Variants in TMEM129 observed in about 807,000 individuals in gnomAD.
The protein encoded by TMEM129 is transmembrane protein 129, E3 ubiquitin ligase, also known as E3 ubiquitin-protein ligase TM129.
In TMEM129, 35 loss-of-function variants were observed where a neutral mutation model predicts 34.1. The ratio of observed to expected loss-of-function variants is 1.03; its 90% CI spans 0.78 to 1.36. The LOEUF (loss-of-function observed/expected upper bound fraction) is 1.36, where lower values mean the gene tolerates loss of function less well. Among genes scored for constraint, TMEM129 ranks in the 40% most tolerant of loss-of-function variants. TMEM129 has a pLI of 0.00. For synonymous variants in TMEM129, 239 were observed against 217.3 expected (o/e 1.10, Z -0.88); for missense variants, 504 against 512.6 (o/e 0.98, Z 0.16).
chr4:1,717,219 G>C lies in TMEM129; in HGVS notation c.1050C>G (p.Arg350=). ...LASRVPCPTC[R]ARFCILDVCT... is the part of the protein sequence containing the mutation. ...ACACATCCAGGATGCAGAAGCGTGC[G>C]CGGCAGGTGGGGCAGGGCACGCGGC... Residue 350 remains arginine, a synonymous_variant, in exon 4 of 4, where the codon CGC becomes CGG. Transcript: ENST00000382936. The C allele has an allele frequency of 6.7e-7, 1 of 1,494,790 alleles. No homozygotes were observed. 92.6% of individuals were successfully genotyped at this position (1,494,790 alleles called of 1,614,324 possible).
intron 1 of TMEM129, chr4:1,719,161 T>A: frequency 1.3e-6 from 1 of 756,242 alleles, no homozygotes; most frequent in Non-Finnish European, 2.0e-6. Context: ...ATGGAGATGG[T>A]GAGGAGTTGC....
chr4:1,717,170 C>T lies in TMEM129; in HGVS notation c.*10G>A. The T allele has an allele frequency of 7.0e-7, 1 of 1,437,736 alleles. No homozygotes were observed. The allele number at this position is 1,437,736 out of a possible 1,614,324, so 89.1% of individuals were successfully genotyped here. A position where few individuals can be genotyped will look rare whatever the true frequency, so the allele number is the denominator to read the frequency against. ...GGGAGACACAGAGTCACCTCAAGGC[C>T]CCAGCCCACTCAGCGCACGGTGCAC... On this transcript the variant is annotated 3_prime_UTR_variant, in exon 4 of 4. Transcript: ENST00000382936.
In TMEM129 at chr4:1,720,576, C is replaced by A; in HGVS notation, c.205+57G>T. The stretch of plus-strand genomic sequence containing the variant: ...GGAGCTGGCGGAGGCCTCCTCCTGA[C>A]CTCCCAGCAAGCCCTGCGCAGGAGA... On this transcript the variant is annotated intron_variant, in intron 1 of 3. Coordinates refer to ENST00000382936, the MANE Select transcript of TMEM129 (RefSeq NM_001127266.2). This position sits in a 1 kb window ranked among gnomAD's most constrained non-coding sequence, Gnocchi z 4.4. The A allele has an allele frequency of 6.7e-7, 1 of 1,497,080 alleles. No homozygotes were observed. The allele number at this position is 1,497,080 out of a possible 1,614,324, so 92.7% of individuals were successfully genotyped here.
At position 1,717,538 on chromosome 4, in the gene TMEM129, G is replaced by A. The variant is rs967552791; in HGVS notation, c.818C>T (p.Ala273Val). 5.8e-6 allele frequency: 9 copies of A among 1,541,544 alleles called. No individual in the cohort carries two copies. The Middle Eastern group carries it at 5.0e-4, about 86-fold the overall frequency. ...TFASLVEVNP[A>V]YSVPSSQELE... ...CACCTGGCTGCTGGGCACTGAGTAGGCCGGGTTGACCTCTACCAGGGAGGC... is the reference window on the plus strand; with the variant it reads ...CACCTGGCTGCTGGGCACTGAGTAGACCGGGTTGACCTCTACCAGGGAGGC... The change falls in exon 3 of 4, where the codon GCC (alanine) becomes GTC (valine). Residue 273 changes from alanine to valine, a missense_variant. Transcript: ENST00000382936.
chr4:1,720,611 CG>C lies in TMEM129; in HGVS notation c.205+21del. 6.5e-7 allele frequency: 1 copy of C among 1,530,104 alleles called. No individual in the cohort carries two copies. Among genetic ancestry groups the C allele is most frequent in the Admixed American group, 2.0e-5 (1 of 50,598 alleles). 94.8% of individuals were successfully genotyped at this position (1,530,104 alleles called of 1,614,324 possible). On this transcript the variant is annotated intron_variant, in intron 1 of 3. Coordinates refer to ENST00000382936, the MANE Select transcript of TMEM129 (RefSeq NM_001127266.2). The surrounding 1 kb of genome is among the most constrained non-coding windows in gnomAD (Gnocchi z 4.4). ...AGCCCTGCGCAGGAGAGGATGCGGC[CG>C]GCCGGCCCGAGCAGCCTCACCGAGC...
chr4:1,717,855 G>C (rs1717052959), intron 2 of TMEM129, 180 bp from the exon 3 acceptor site: 4 of 837,756 alleles, frequency 4.8e-6, no homozygotes, highest in African/African-American at 3.4e-5. Flanking sequence ...ACGGACCTAG[G>C]AGCAAGGCAG....
chr4:1,720,532 G>T lies in TMEM129; in HGVS notation c.205+101C>A. The T allele has an allele frequency of 7.2e-7, 1 of 1,397,246 alleles. No homozygotes were observed. The highest frequency in any genetic ancestry group is 1.4e-5 in the South Asian group (1 of 69,862). The allele number at this position is 1,397,246 out of a possible 1,614,324, so 86.6% of individuals were successfully genotyped here. A position where few individuals can be genotyped will look rare whatever the true frequency, so the allele number is the denominator to read the frequency against. ...CGGCGCCTCTCCCCAGCTGCGCCCA[G>T]GCGCTTTCGGGGCCTCGGGGAGCTG... On this transcript the variant is annotated intron_variant, in intron 1 of 3. Coordinates refer to ENST00000382936, the MANE Select transcript of TMEM129 (RefSeq NM_001127266.2). This position sits in a 1 kb window ranked among gnomAD's most constrained non-coding sequence, Gnocchi z 4.4.
At position 1,718,211 on chromosome 4, in the gene TMEM129, C is replaced by A; in HGVS notation, c.621G>T (p.Val207=). The A allele has an allele frequency of 6.3e-7, 1 of 1,594,990 alleles. No homozygotes were observed. The highest frequency in any genetic ancestry group is 1.1e-5 in the South Asian group (1 of 88,430). The stretch of plus-strand genomic sequence containing the variant: ...TGGCCACACGGATGGTGAGGAGCTG[C>A]ACGGGCAAGTTCGAGTCTGGCGAGA... The part of the protein sequence containing the change: ...HELSPDSNLP[V]QLLTIRVAST... The change falls in exon 2 of 4, where the codon GTG becomes GTT. Residue 207 remains valine (V), a synonymous_variant. Coordinates refer to ENST00000382936, the MANE Select transcript of TMEM129 (RefSeq NM_001127266.2).
chr4:1,717,508 C>A lies in TMEM129; in HGVS notation c.840+8G>T. ...CCCATCCACCCGGCCCTGGCCCAGG[C>A]CCCCCACCTGGCTGCTGGGCACTGA... is the stretch of plus-strand genomic sequence containing the variant. On this transcript the variant is annotated splice_region_variant and intron_variant, in intron 3 of 3. Transcript: ENST00000382936. 1 of 1,512,340 alleles carries A rather than the reference C, an allele frequency of 6.6e-7. No homozygotes were observed. The highest frequency in any genetic ancestry group is 8.9e-7 in the Non-Finnish European group (1 of 1,122,406). 93.7% of individuals were successfully genotyped at this position (1,512,340 alleles called of 1,614,324 possible).
Position 1,716,843 on chromosome 4 carries a change from ACCTGGGG to A in TMEM129, c.*330_*336del. ...AAGGCAAATGGCCCAGATGACGACC[ACCTGGGG>A]TAGACCCAGGGTCTCCAGGGAATGG... is the stretch of plus-strand genomic sequence containing the variant. On this transcript the variant is annotated 3_prime_UTR_variant, in exon 4 of 4. Transcript: ENST00000382936. 1 of 304,774 alleles carries A rather than the reference ACCTGGGG, an allele frequency of 3.3e-6. No individual in the cohort carries two copies. The highest frequency in any genetic ancestry group is 6.0e-6 in the Non-Finnish European group (1 of 165,578). 18.9% of individuals were successfully genotyped at this position (304,774 alleles called of 1,614,324 possible).
rs1391626068 is a variant in TMEM129 at position 1,717,079 on chromosome 4, C to T, written c.*101G>A. On this transcript the variant is annotated 3_prime_UTR_variant, in exon 4 of 4. Transcript: ENST00000382936. The stretch of plus-strand genomic sequence containing the variant: ...GAGGCGAGTTGCTCTACATCATGTG[C>T]TTTAAGTAGAGCCCTTTGCCAGCCA... The T allele has an allele frequency of 2.2e-6, 3 of 1,354,440 alleles. No homozygotes were observed. Among genetic ancestry groups the T allele is most frequent in the Non-Finnish European group, 2.9e-6 (3 of 1,048,594 alleles). 83.9% of individuals were successfully genotyped at this position (1,354,440 alleles called of 1,614,324 possible).
chr4:1,718,135 A>G lies in TMEM129; in HGVS notation c.680+17T>C. 2 of 1,526,616 alleles carry G rather than the reference A, an allele frequency of 1.3e-6. No homozygotes were observed. The highest frequency in any genetic ancestry group is 2.4e-5 in the South Asian group (2 of 82,848). The allele number at this position is 1,526,616 out of a possible 1,614,324, so 94.6% of individuals were successfully genotyped here. A position where few individuals can be genotyped will look rare whatever the true frequency, so the allele number is the denominator to read the frequency against. On this transcript the variant is annotated intron_variant, in intron 2 of 3. Coordinates refer to ENST00000382936, the MANE Select transcript of TMEM129 (RefSeq NM_001127266.2). ...TGCCATGTGCCCTCCGCAGCCCCAC[A>G]GGCACCACACTCTTACCAGATGTCA...
At chr4:1,719,221 C>T (rs1717145442) in intron 1 of TMEM129, 1 of 467,566 alleles carries the variant, frequency 2.1e-6, no homozygotes, top group Non-Finnish European at 4.2e-6. Context: ...TTGGAGTTGG[C>T]CCAGTCACTG....
At position 1,717,151 on chromosome 4, in the gene TMEM129, C is replaced by T; in HGVS notation, c.*29G>A. ...CCTGCCCTGTGGCTTTGGGGGGAGA[C>T]ACAGAGTCACCTCAAGGCCCCAGCC... On this transcript the variant is annotated 3_prime_UTR_variant, in exon 4 of 4. Transcript: ENST00000382936. The T allele has an allele frequency of 7.1e-7, 1 of 1,410,866 alleles. No homozygotes were observed. The highest frequency in any genetic ancestry group is 9.2e-7 in the Non-Finnish European group (1 of 1,081,414). 87.4% of individuals were successfully genotyped at this position (1,410,866 alleles called of 1,614,324 possible).
At chr4:1,719,604 T>A (rs543721058) in intron 1 of TMEM129, among the ~76,000 whole-genome samples, 19 of 152,360 alleles carry the variant, frequency 1.2e-4, no homozygotes, top group African/African-American at 4.1e-4. Context: ...AAAAAGAGCT[T>A]GACATCCGAC....
chr4:1,718,017 G>A, intron 2 of TMEM129, 135 bp downstream of exon 2: 1 of 840,246 alleles, frequency 1.2e-6, no homozygotes, highest in Non-Finnish European at 1.8e-6. Flanking sequence ...TGGACACCTT[G>A]CCTGGTGTCA....
At chr4:1,719,329 G>A (rs767021664) in intron 1 of TMEM129, 7 of 426,840 alleles carry the variant, frequency 1.6e-5, no homozygotes, top group Admixed American at 4.9e-5. Flanking sequence ...CGAGGCGGAC[G>A]GATCACGAGG....
intron 2 of TMEM129, 134 bp from the exon 3 acceptor site, chr4:1,717,809 C>A: frequency 7.7e-7 from 1 of 1,291,022 alleles, no homozygotes. Context: ...CCAGAGCCCA[C>A]GGACCCAGTG....
In TMEM129 at chr4:1,720,532, G is replaced by A. The variant is rs533096230; in HGVS notation, c.205+101C>T. On this transcript the variant is annotated intron_variant, in intron 1 of 3. Transcript: ENST00000382936. This position sits in a 1 kb window ranked among gnomAD's most constrained non-coding sequence, Gnocchi z 4.4. ...CGGCGCCTCTCCCCAGCTGCGCCCAGGCGCTTTCGGGGCCTCGGGGAGCTG... is the reference window on the plus strand; with the variant it reads ...CGGCGCCTCTCCCCAGCTGCGCCCAAGCGCTTTCGGGGCCTCGGGGAGCTG... The A allele has an allele frequency of 1.1e-5, 15 of 1,397,246 alleles. No homozygotes were observed. The East Asian group carries it at 3.4e-4, about 31-fold the overall frequency. The allele number at this position is 1,397,246 out of a possible 1,614,324, so 86.6% of individuals were successfully genotyped here. A position where few individuals can be genotyped will look rare whatever the true frequency, so the allele number is the denominator to read the frequency against.
Sources: gnomAD v4.1 joint callset for allele counts (sites outside exome capture counted in the v4.1 genomes callset) on GRCh38, gnomAD v4.1.1 for gene constraint, Gnocchi (gnomAD v3.1) non-coding constraint, MANE v1.5 for transcripts, NCBI Gene and HGNC (gene_info 2026-07-23, HGNC 2026-07-21) for gene names.